The following SLC35F1 variants were observed in gnomAD, a reference collection of about 807,000 sequenced individuals.
The protein encoded by SLC35F1 is solute carrier family 35 member F1.
SLC35F1 carries 14 observed loss-of-function variants against 48.7 expected under a neutral mutation model. The observed-to-expected ratio is 0.29, with a 90% CI of 0.19 to 0.45. The LOEUF (loss-of-function observed/expected upper bound fraction) is 0.45, where lower values mean the gene tolerates loss of function less well. Among genes scored for constraint, SLC35F1 ranks in the 20% least tolerant of loss-of-function variants. The probability of loss-of-function intolerance (pLI) is 1.00; values close to 1 mark genes in which losing one functional copy is unlikely to be tolerated. For synonymous variants in SLC35F1, 190 were observed against 202.2 expected (o/e 0.94, Z 0.51); for missense variants, 404 against 500.0 (o/e 0.81, Z 1.83).
At chr6:118,230,500 A>G (rs1775278718) in intron 2 of SLC35F1, among the ~76,000 whole-genome samples, 1 of 152,248 alleles carries the variant, frequency 6.6e-6, no homozygotes, top group Non-Finnish European at 1.5e-5. Context: ...TTAGCTCTCC[A>G]TGAGACAACA....
In SLC35F1 at chr6:118,163,582, A is replaced by C. The variant is rs1774272764; in HGVS notation, c.349+8962A>C. ...TGTCTGCCTGTTTTATCTGGAGTCC[A>C]TGTTGACTGTTAATTCTGGAAATCT... On this transcript the variant is annotated intron_variant, in intron 2 of 7. Coordinates refer to ENST00000360388, the MANE Select transcript of SLC35F1 (RefSeq NM_001029858.4). Among the ~76,000 whole-genome samples, 4 of 152,336 alleles carry C rather than the reference A, an allele frequency of 2.6e-5. No homozygotes were observed. In the South Asian group the frequency reaches 6.2e-4, roughly 24 times the overall value.
chr6:117,937,326 A>G (rs779487201), intron 1 of SLC35F1, among the ~76,000 whole-genome samples: 10 of 152,256 alleles, frequency 6.6e-5, no homozygotes, highest in Non-Finnish European at 2.9e-5. Context: ...AGTTAGATGC[A>G]CATTGCAGGG....
chr6:118,067,133 G>T (rs1037508950), intron 1 of SLC35F1, among the ~76,000 whole-genome samples: 1 of 152,154 alleles, frequency 6.6e-6, no homozygotes, highest in Non-Finnish European at 1.5e-5. Flanking sequence ...ATTTGTGAAA[G>T]ATAAGGGTGA....
chr6:118,294,524 C>T (rs1430320973), intron 7 of SLC35F1, among the ~76,000 whole-genome samples: 1 of 152,124 alleles, frequency 6.6e-6, no homozygotes, highest in African/African-American at 2.4e-5. Flanking sequence ...ATTAACATGT[C>T]AAGGCTTAAT....
At chr6:118,179,284 T>C (rs1774537400) in intron 2 of SLC35F1, among the ~76,000 whole-genome samples, 1 of 152,168 alleles carries the variant, frequency 6.6e-6, no homozygotes, top group Non-Finnish European at 1.5e-5. Flanking sequence ...GCCAGTGATG[T>C]AATTCATTTT....
intron 1 of SLC35F1, among the ~76,000 whole-genome samples, chr6:117,999,782 A>G (rs1378038822): frequency 2.6e-5 from 4 of 151,896 alleles, no homozygotes; most frequent in African/African-American, 9.7e-5. Flanking sequence ...CACCGATCCC[A>G]CAGAAATACA....
intron 1 of SLC35F1, among the ~76,000 whole-genome samples, chr6:118,138,122 G>A (rs547036280): frequency 2.6e-5 from 4 of 151,914 alleles, no homozygotes; most frequent in African/African-American, 7.2e-5. Flanking sequence ...CAGCCTGGGC[G>A]ACATAGCAAG....
At chr6:118,178,128 C>T (rs1399017497) in intron 2 of SLC35F1, among the ~76,000 whole-genome samples, 3 of 152,022 alleles carry the variant, frequency 2.0e-5, no homozygotes, top group Admixed American at 1.3e-4. Flanking sequence ...GCTCCATGTC[C>T]CTTCTGTTCA....
intron 1 of SLC35F1, among the ~76,000 whole-genome samples, chr6:118,110,222 A>C (rs1386486057): frequency 6.6e-6 from 1 of 152,164 alleles, no homozygotes; most frequent in African/African-American, 2.4e-5. Context: ...AGCTAAACAA[A>C]CTGAAAATCA....
Position 118,316,334 on chromosome 6 carries a change from C to A in SLC35F1, c.*2082C>A, listed in dbSNP as rs1282701770. ...CATGGGGAAAATATCAGCGTTAAAG[C>A]TCTATCAAATCAAAACAACTTTGCC... On this transcript the variant is annotated 3_prime_UTR_variant, in exon 8 of 8. Coordinates refer to ENST00000360388, the MANE Select transcript of SLC35F1 (RefSeq NM_001029858.4). 6.6e-6 allele frequency: 1 copy of A among 152,620 alleles called. No individual in the cohort carries two copies. Among genetic ancestry groups the A allele is most frequent in the Non-Finnish European group, 1.5e-5 (1 of 68,020 alleles). 9.5% of individuals were successfully genotyped at this position (152,620 alleles called of 1,614,324 possible). A position where few individuals can be genotyped will look rare whatever the true frequency, so the allele number is the denominator to read the frequency against.
chr6:117,949,106 A>G (rs1448064503), intron 1 of SLC35F1, among the ~76,000 whole-genome samples: 1 of 152,168 alleles, frequency 6.6e-6, no homozygotes, highest in African/African-American at 2.4e-5. Flanking sequence ...ATGATACAGT[A>G]TTTATCCAAT....
intron 1 of SLC35F1, among the ~76,000 whole-genome samples, chr6:118,018,431 A>G (rs1777351275): frequency 6.6e-6 from 1 of 152,162 alleles, no homozygotes; most frequent in Non-Finnish European, 1.5e-5. Flanking sequence ...GGTTATTATG[A>G]GGTTAAATGA....
chr6:118,270,082 A>AAAGAGACTGTCTGACTTCAT (rs1775831653), intron 4 of SLC35F1, among the ~76,000 whole-genome samples: 1 of 152,186 alleles, frequency 6.6e-6, no homozygotes, highest in Non-Finnish European at 1.5e-5. Context: ...TTGCACAGGA[A>AAAGAGACTGTCTGACTTCAT]AAGAGACTGT....
rs1035685596 is a variant in SLC35F1 at position 118,033,873 on chromosome 6, C to A, written c.174-120572C>A. On this transcript the variant is annotated intron_variant, in intron 1 of 7. Coordinates refer to ENST00000360388, the MANE Select transcript of SLC35F1 (RefSeq NM_001029858.4). ...TGTGAACCTGTAGGCTCATTGAGAT[C>A]TGTGCTGGCCACCTTGTTCATCGTT... 5.3e-5 allele frequency among the ~76,000 whole-genome samples: 8 copies of A among 152,274 alleles called. No homozygotes were observed. The East Asian group carries it at 1.5e-3, about 29-fold the overall frequency.
At chr6:118,082,582 A>AT (rs58010546) in intron 1 of SLC35F1, among the ~76,000 whole-genome samples, 2,475 of 145,902 alleles carry the variant, frequency 0.017, 42 homozygotes, top group African/African-American at 0.043. Context: ...CAAAGAAGGG[A>AT]TTTTTTTTTT....
intron 2 of SLC35F1, among the ~76,000 whole-genome samples, chr6:118,173,917 C>A (rs1387027357): frequency 6.6e-6 from 1 of 152,188 alleles, no homozygotes; most frequent in African/African-American, 2.4e-5. Context: ...GTGCAGCAAT[C>A]TCCGGAACCT....
rs1057126915 is a variant in SLC35F1 at position 118,183,289 on chromosome 6, A to G, written c.349+28669A>G. The stretch of plus-strand genomic sequence containing the variant: ...CTCCCTGAAAATAAGGTTAGAGGTG[A>G]GTTCCACCTGGATGATTAAGAGCCA... On this transcript the variant is annotated intron_variant, in intron 2 of 7. Transcript: ENST00000360388. 4.0e-4 allele frequency among the ~76,000 whole-genome samples: 61 copies of G among 152,174 alleles called. 2 individuals carry two copies. The highest frequency in any genetic ancestry group is 1.2e-4 in the Non-Finnish European group (8 of 68,028).
At chr6:117,967,661 GAAAT>G (rs777693711) in intron 1 of SLC35F1, among the ~76,000 whole-genome samples, 4 of 152,180 alleles carry the variant, frequency 2.6e-5, no homozygotes, top group East Asian at 1.9e-4. Flanking sequence ...AATGTCCATT[GAAAT>G]AAATAAGCCA....
chr6:118,260,637 T>C (rs1018511502), intron 3 of SLC35F1, among the ~76,000 whole-genome samples: 3 of 152,188 alleles, frequency 2.0e-5, no homozygotes, highest in Admixed American at 6.5e-5. Context: ...ATGAATTTCC[T>C]GAGGGAAGAA....
Sources: gnomAD v4.1 joint callset for allele counts (sites outside exome capture counted in the v4.1 genomes callset) on GRCh38, gnomAD v4.1.1 for gene constraint, MANE v1.5 for transcripts, NCBI Gene and HGNC (gene_info 2026-07-23, HGNC 2026-07-21) for gene names.